MACROD2: variants seen among roughly 807,000 people sequenced by gnomAD.
The protein encoded by MACROD2 is ADP-ribose glycohydrolase MACROD2.
A neutral mutation model predicts 70.4 loss-of-function variants in MACROD2; 36 were observed. That is an observed-to-expected ratio of 0.51 (90% CI 0.39 to 0.68). The LOEUF is 0.68. Ranked by LOEUF, MACROD2 falls within the 30% of genes least tolerant of loss-of-function variation. The pLI is 0.00. For missense variants in MACROD2, 496 were observed against 538.4 expected, an observed-to-expected ratio of 0.92 and a Z score of 0.78; for synonymous variants, 172 against 178.8, an observed-to-expected ratio of 0.96 and a Z score of 0.30.
At chr20:14,019,572 T>TA in intron 2 of MACROD2, among the ~76,000 whole-genome samples, 1 of 152,186 alleles carries the variant, frequency 6.6e-6, no homozygotes, top group South Asian at 2.1e-4. Context: ...TGCGCCTAGC[T>TA]GGGTAGTGTT....
chr20:15,873,731 C>A (rs175796), intron 9 of MACROD2, among the ~76,000 whole-genome samples: 1 of 151,470 alleles, frequency 6.6e-6, no homozygotes, highest in African/African-American at 2.4e-5. Flanking sequence ...GATGAAAGGA[C>A]GAAAAGTCCG....
At chr20:14,848,456 T>C (rs1399756047) in intron 5 of MACROD2, among the ~76,000 whole-genome samples, 4 of 152,152 alleles carry the variant, frequency 2.6e-5, no homozygotes, top group Non-Finnish European at 5.9e-5. Flanking sequence ...TCTTTTTTTT[T>C]CTTTGAGTAT....
At chr20:14,026,077 T>C (rs1439795262) in intron 2 of MACROD2, among the ~76,000 whole-genome samples, 1 of 152,226 alleles carries the variant, frequency 6.6e-6, no homozygotes, top group Non-Finnish European at 1.5e-5. Context: ...CTTGTTGCAT[T>C]GATCCCTTTA....
intron 4 of MACROD2, among the ~76,000 whole-genome samples, chr20:14,531,413 G>A (rs1051049865): frequency 6.6e-6 from 1 of 152,098 alleles, no homozygotes; most frequent in Non-Finnish European, 1.5e-5. Flanking sequence ...GGAGTCATGT[G>A]GTCCCAAGCA....
intron 15 of MACROD2, among the ~76,000 whole-genome samples, chr20:16,000,064 A>G (rs1339940626): frequency 6.6e-6 from 1 of 152,218 alleles, no homozygotes; most frequent in Non-Finnish European, 1.5e-5. Flanking sequence ...AGCCTTTGGT[A>G]TTGAATTCAT....
In MACROD2 at chr20:14,861,413, G is replaced by C. The variant is rs866712030; in HGVS notation, c.418+176454G>C. Among the ~76,000 whole-genome samples the C allele has an allele frequency of 2.6e-5, 4 of 152,116 alleles. No individual in the cohort carries two copies. In the South Asian group the frequency reaches 6.3e-4, roughly 24 times the overall value. On this transcript the variant is annotated intron_variant, in intron 5 of 17. Coordinates refer to ENST00000684519, the MANE Select transcript of MACROD2 (RefSeq NM_001351661.2). ...AATGACTTTTTTTTGTGGTCATCAA[G>C]ACACAGTCATAGAAAGACACAGTCA...
chr20:15,153,933 C>G (rs1205354998), intron 5 of MACROD2, among the ~76,000 whole-genome samples: 1 of 152,122 alleles, frequency 6.6e-6, no homozygotes. Flanking sequence ...AAAGGATGTC[C>G]TCTTACTGTG....
At chr20:15,271,640 A>G (rs1362409588) in intron 6 of MACROD2, among the ~76,000 whole-genome samples, 1 of 152,234 alleles carries the variant, frequency 6.6e-6, no homozygotes, top group Non-Finnish European at 1.5e-5. Context: ...AATCTTTGTT[A>G]AAAGAAGGAT....
At chr20:14,259,589 T>C (rs1443825012) in intron 3 of MACROD2, among the ~76,000 whole-genome samples, 1 of 152,286 alleles carries the variant, frequency 6.6e-6, no homozygotes, top group Non-Finnish European at 1.5e-5. Context: ...TAGTCAAATA[T>C]TTATTAAGCA....
intron 8 of MACROD2, among the ~76,000 whole-genome samples, chr20:15,708,365 G>T (rs947965465): frequency 2.6e-5 from 4 of 152,108 alleles, no homozygotes; most frequent in Non-Finnish European, 5.9e-5. Flanking sequence ...GGATAGGGAG[G>T]TCAGGGAGGG....
chr20:15,493,253 G>A lies in MACROD2; in HGVS notation c.572-6521G>A, dbSNP rs529876637. On this transcript the variant is annotated intron_variant, in intron 7 of 17. Coordinates refer to ENST00000684519, the MANE Select transcript of MACROD2 (RefSeq NM_001351661.2). ...CCTGGCAACAGATCTAGAAGGGGATGTTGACGGAAGCCCTGGGCAGACTCT... is the reference window on the plus strand; with the variant it reads ...CCTGGCAACAGATCTAGAAGGGGATATTGACGGAAGCCCTGGGCAGACTCT... 7.2e-5 allele frequency among the ~76,000 whole-genome samples: 11 copies of A among 152,306 alleles called. No homozygotes were observed. In the South Asian group the frequency reaches 2.3e-3, roughly 32 times the overall value.
chr20:14,297,474 C>T (rs1464347125), intron 3 of MACROD2, among the ~76,000 whole-genome samples: 1 of 151,982 alleles, frequency 6.6e-6, no homozygotes, highest in Non-Finnish European at 1.5e-5. Context: ...AGGAAAACAG[C>T]TTTACTGCTA....
intron 6 of MACROD2, among the ~76,000 whole-genome samples, chr20:15,234,029 T>C (rs2076989737): frequency 4.3e-5 from 1 of 23,066 alleles, no homozygotes; most frequent in African/African-American, 1.8e-4. Context: ...TTTTTTTTTT[T>C]TTTTTTTTTT....
chr20:15,154,287 G>T (rs1407049991), intron 5 of MACROD2, among the ~76,000 whole-genome samples: 1 of 152,138 alleles, frequency 6.6e-6, no homozygotes, highest in African/African-American at 2.4e-5. Flanking sequence ...GGTATGAACT[G>T]GCAGGAACCT....
chr20:14,787,228 A>G (rs886972873), intron 5 of MACROD2, among the ~76,000 whole-genome samples: 4 of 152,108 alleles, frequency 2.6e-5, no homozygotes, highest in Non-Finnish European at 5.9e-5. Flanking sequence ...TTCTTCATCA[A>G]TCTTCTCTCA....
chr20:15,058,316 C>A (rs2075503567), intron 5 of MACROD2, among the ~76,000 whole-genome samples: 1 of 152,144 alleles, frequency 6.6e-6, no homozygotes, highest in Non-Finnish European at 1.5e-5. Flanking sequence ...AACCCCAATA[C>A]CTGGTGATCT....
intron 6 of MACROD2, among the ~76,000 whole-genome samples, chr20:15,291,236 A>G (rs976099467): frequency 1.3e-5 from 2 of 152,226 alleles, no homozygotes; most frequent in Non-Finnish European, 2.9e-5. Context: ...TCTGATGTGA[A>G]AAACCCATCT....
At chr20:15,703,406 A>G (rs1054244086) in intron 8 of MACROD2, among the ~76,000 whole-genome samples, 3 of 152,146 alleles carry the variant, frequency 2.0e-5, no homozygotes, top group Non-Finnish European at 4.4e-5. Flanking sequence ...CTCAGGAAGG[A>G]GTCACTTCAC....
intron 10 of MACROD2, among the ~76,000 whole-genome samples, chr20:15,895,779 C>G (rs1164499099): frequency 6.6e-6 from 1 of 152,190 alleles, no homozygotes; most frequent in Non-Finnish European, 1.5e-5. Flanking sequence ...TCAGATGTTC[C>G]CTGTAGATAA....
Sources: allele counts gnomAD v4.1 joint callset (sites outside exome capture counted in the v4.1 genomes callset), GRCh38; gene constraint gnomAD v4.1.1; transcripts MANE v1.5; gene names NCBI Gene and HGNC (gene_info 2026-07-23, HGNC 2026-07-21).